PCSK5: variants seen among roughly 807,000 people sequenced by gnomAD.
PCSK5 encodes proprotein convertase subtilisin/kexin type 5.
A neutral mutation model predicts 233.2 loss-of-function variants in PCSK5; 129 were observed. That is an observed-to-expected ratio of 0.55 (90% CI 0.48 to 0.64). PCSK5 has a LOEUF of 0.64. Among genes scored for constraint, PCSK5 ranks in the 30% least tolerant of loss-of-function variants. The pLI is 0.00. For synonymous variants in PCSK5, 825 were observed against 879.2 expected (o/e 0.94, Z 1.09); for missense variants, 2,076 against 2,430.1 (o/e 0.85, Z 3.06).
rs144506914 is a variant in PCSK5, at chr9:76,348,169, G to A, written c.4967-2659G>A. ...CATGCCTGTAATCCCAGCACTTTGG[G>A]AGGCTAAGACAGGTGGATCACTTGA... On this transcript the variant is annotated intron_variant, in intron 35 of 37. Transcript: ENST00000674117. Among the ~76,000 whole-genome samples the A allele has an allele frequency of 2.8e-4, 43 of 152,268 alleles. No individual in the cohort carries two copies. The East Asian group carries it at 7.9e-3, about 28-fold the overall frequency.
chr9:75,931,710 G>A (rs1030554315), intron 1 of PCSK5, among the ~76,000 whole-genome samples: 4 of 152,212 alleles, frequency 2.6e-5, no homozygotes, highest in Non-Finnish European at 4.4e-5. Flanking sequence ...TAAATGAGAG[G>A]ACTAGAATGT....
chr9:76,184,238 C>T (rs1823998033), intron 16 of PCSK5, among the ~76,000 whole-genome samples: 1 of 152,200 alleles, frequency 6.6e-6, no homozygotes. Flanking sequence ...GTCCTAAAAG[C>T]TATGAGCATG....
At chr9:76,275,149 T>C (rs1827650570) in intron 24 of PCSK5, among the ~76,000 whole-genome samples, 1 of 152,144 alleles carries the variant, frequency 6.6e-6, no homozygotes, top group African/African-American at 2.4e-5. Flanking sequence ...CCTATTTGAA[T>C]GGGAGGAGAT....
intron 30 of PCSK5, among the ~76,000 whole-genome samples, chr9:76,311,189 C>A (rs1828856202): frequency 6.6e-6 from 1 of 152,020 alleles, no homozygotes; most frequent in East Asian, 1.9e-4. Flanking sequence ...GGCAACATAG[C>A]AAGACTCCGT....
At chr9:76,233,345 T>C in intron 21 of PCSK5, 115 bp from the exon 22 acceptor site, 1 of 1,017,390 alleles carries the variant, frequency 9.8e-7, no homozygotes, top group Non-Finnish European at 1.5e-6. Flanking sequence ...TCCCCCTTGT[T>C]TCTGGAACAA....
intron 1 of PCSK5, among the ~76,000 whole-genome samples, chr9:75,906,949 C>T (rs556996178): frequency 6.6e-6 from 1 of 152,186 alleles, no homozygotes; most frequent in Non-Finnish European, 1.5e-5. Context: ...TCACCTGATC[C>T]ATTGCTCTTC....
chr9:76,333,451 T>C (rs560298442), intron 34 of PCSK5, among the ~76,000 whole-genome samples: 1 of 152,342 alleles, frequency 6.6e-6, no homozygotes, highest in East Asian at 1.9e-4. Flanking sequence ...ATGTCACCTA[T>C]AAATCCACAA....
At chr9:76,213,605 C>T (rs1020433700) in intron 20 of PCSK5, among the ~76,000 whole-genome samples, 4 of 152,022 alleles carry the variant, frequency 2.6e-5, no homozygotes, top group African/African-American at 9.7e-5. Flanking sequence ...ATTTAGTCTC[C>T]CTTGACCAGG....
chr9:76,064,164 G>A (rs1282845726), intron 5 of PCSK5, among the ~76,000 whole-genome samples: 46 of 117,762 alleles, frequency 3.9e-4, no homozygotes, highest in South Asian at 5.7e-4. Flanking sequence ...CCCGGACGGG[G>A]CGGCTGGCCA....
intron 20 of PCSK5, chr9:76,193,566 C>G: frequency 2.1e-6 from 1 of 478,036 alleles, no homozygotes; most frequent in Non-Finnish European, 3.6e-6. Context: ...CTACAACAAG[C>G]CTACCTTTTA....
At chr9:75,925,426 C>G (rs1268765460) in intron 1 of PCSK5, among the ~76,000 whole-genome samples, 1 of 152,154 alleles carries the variant, frequency 6.6e-6, no homozygotes. Flanking sequence ...TTGAGTGTGC[C>G]TGGCACTGTT....
At chr9:76,020,754 C>T (rs1386308265) in intron 3 of PCSK5, among the ~76,000 whole-genome samples, 1 of 152,170 alleles carries the variant, frequency 6.6e-6, no homozygotes, top group Non-Finnish European at 1.5e-5. Context: ...CTTCAATTTT[C>T]GTAATTACAA....
At chr9:75,940,712 G>T (rs1824264356) in intron 2 of PCSK5, among the ~76,000 whole-genome samples, 1 of 152,146 alleles carries the variant, frequency 6.6e-6, no homozygotes, top group African/African-American at 2.4e-5. Flanking sequence ...GAGGTTGTGC[G>T]CATCTACTCC....
chr9:76,028,666 A>T (rs1388758128), intron 5 of PCSK5, among the ~76,000 whole-genome samples: 1 of 152,104 alleles, frequency 6.6e-6, no homozygotes, highest in Non-Finnish European at 1.5e-5. Context: ...CAATTTGGGG[A>T]GTTCACACTC....
At chr9:76,051,699 C>T (rs548299725) in intron 5 of PCSK5, among the ~76,000 whole-genome samples, 2 of 152,204 alleles carry the variant, frequency 1.3e-5, no homozygotes, top group East Asian at 3.9e-4. Flanking sequence ...ACACTGCCTC[C>T]CAGCACCTGA....
At chr9:75,895,595 C>T (rs1314219548) in intron 1 of PCSK5, among the ~76,000 whole-genome samples, 1 of 152,140 alleles carries the variant, frequency 6.6e-6, no homozygotes, top group Non-Finnish European at 1.5e-5. Flanking sequence ...GGATTGATTT[C>T]CCATGGCAGG....
chr9:76,155,283 A>C (rs1358247104), intron 10 of PCSK5, among the ~76,000 whole-genome samples: 1 of 152,180 alleles, frequency 6.6e-6, no homozygotes, highest in Non-Finnish European at 1.5e-5. Context: ...AACATCCCCA[A>C]ACAAGGAAAT....
chr9:76,183,315 T>C (rs1231355219), intron 16 of PCSK5, among the ~76,000 whole-genome samples: 1 of 152,060 alleles, frequency 6.6e-6, no homozygotes, highest in Non-Finnish European at 1.5e-5. Context: ...TATATCTCTC[T>C]CTTTCTATGT....
chr9:76,067,331 A>G (rs1345450234), intron 5 of PCSK5, among the ~76,000 whole-genome samples: 1 of 152,238 alleles, frequency 6.6e-6, no homozygotes, highest in Non-Finnish European at 1.5e-5. Context: ...AGTGTGGATA[A>G]CATATTTTAT....
Sources: gnomAD v4.1 joint callset for allele counts (sites outside exome capture counted in the v4.1 genomes callset) on GRCh38, gnomAD v4.1.1 for gene constraint, MANE v1.5 for transcripts, NCBI Gene and HGNC (gene_info 2026-07-23, HGNC 2026-07-21) for gene names.